The following CSMD1 variants were observed in gnomAD, a reference collection of about 807,000 sequenced individuals.
CSMD1 encodes the protein CUB and sushi domain-containing protein 1.
A neutral mutation model predicts 417.5 loss-of-function variants in CSMD1; 213 were observed. The ratio of observed to expected loss-of-function variants is 0.51; its 90% CI spans 0.46 to 0.57. The LOEUF (loss-of-function observed/expected upper bound fraction) is 0.57. Ranked by LOEUF, CSMD1 falls within the 20% of genes least tolerant of loss-of-function variation. The probability of loss-of-function intolerance (pLI) is 0.00; values close to 1 mark genes in which losing one functional copy is unlikely to be tolerated. For missense variants in CSMD1, 6,923 were observed against 4,529.7 expected (o/e 1.53, Z -15.17); for synonymous variants, 2,862 against 1,736.8 (o/e 1.65, Z -16.11).
intron 5 of CSMD1, among the ~76,000 whole-genome samples, chr8:3,878,047 T>A (rs944762253): frequency 6.6e-6 from 1 of 152,132 alleles, no homozygotes; most frequent in African/African-American, 2.4e-5. Context: ...TCCATCTAAT[T>A]ACATATTCAT....
chr8:3,719,011 G>A (rs759499002), intron 6 of CSMD1, among the ~76,000 whole-genome samples: 23 of 152,202 alleles, frequency 1.5e-4, no homozygotes, highest in Non-Finnish European at 1.5e-4. Flanking sequence ...GAGACAACGC[G>A]CTCAGAAACA....
chr8:3,048,397 A>G (rs547960684), intron 50 of CSMD1, among the ~76,000 whole-genome samples: 2 of 152,214 alleles, frequency 1.3e-5, no homozygotes, highest in Non-Finnish European at 1.5e-5. Flanking sequence ...AAATGTGTCA[A>G]TGGAACAGAA....
intron 26 of CSMD1, among the ~76,000 whole-genome samples, chr8:3,238,016 C>T (rs1799264539): frequency 6.6e-6 from 1 of 151,174 alleles, no homozygotes; most frequent in African/African-American, 2.4e-5. Context: ...GTGAAGAGAC[C>T]ACCAAACAGG....
chr8:4,678,617 A>G (rs1041471963), intron 1 of CSMD1, among the ~76,000 whole-genome samples: 1 of 152,180 alleles, frequency 6.6e-6, no homozygotes, highest in African/African-American at 2.4e-5. Context: ...ATGCATTTAC[A>G]TTACTACTAA....
chr8:3,879,067 T>G (rs1179945491), intron 5 of CSMD1, among the ~76,000 whole-genome samples: 1 of 152,184 alleles, frequency 6.6e-6, no homozygotes, highest in African/African-American at 2.4e-5. Context: ...AGGGATAGCA[T>G]CTGAGTTATT....
chr8:3,640,180 G>C (rs545283512), intron 7 of CSMD1, among the ~76,000 whole-genome samples: 6 of 152,272 alleles, frequency 3.9e-5, no homozygotes, highest in African/African-American at 1.4e-4. Context: ...CTTGAAGCTG[G>C]TGCAGGGATA....
chr8:3,772,486 TAC>T lies in CSMD1; in HGVS notation c.819-18446_819-18445del, dbSNP rs1397315551. Among the ~76,000 whole-genome samples the T allele has an allele frequency of 4.2e-4, 10 of 24,002 alleles. No homozygotes were observed. In the South Asian group the frequency reaches 6.0e-3, roughly 14 times the overall value. 15.7% of individuals were successfully genotyped at this position (24,002 alleles called of 152,430 possible). ...ATATATACACATATATATACATATA[TAC>T]ACATATATACATATATACACATATA... On this transcript the variant is annotated intron_variant, in intron 5 of 69. Coordinates refer to ENST00000635120, the MANE Select transcript of CSMD1 (RefSeq NM_033225.6).
At chr8:2,983,627 C>T (rs116572815) in intron 54 of CSMD1, among the ~76,000 whole-genome samples, 1,689 of 152,220 alleles carry the variant, frequency 0.011, 44 homozygotes, top group African/African-American at 0.038. Context: ...CAAAATTTGG[C>T]AAAAAATTGT....
chr8:3,966,997 TAG>T (rs1213794771), intron 5 of CSMD1, among the ~76,000 whole-genome samples: 1 of 152,164 alleles, frequency 6.6e-6, no homozygotes, highest in Admixed American at 6.5e-5. Context: ...TCTTCCACTG[TAG>T]AGTGTCAATT....
At chr8:4,808,255 G>C (rs553881522) in intron 1 of CSMD1, among the ~76,000 whole-genome samples, 1 of 152,262 alleles carries the variant, frequency 6.6e-6, no homozygotes, top group South Asian at 2.1e-4. Flanking sequence ...GATGATCAGA[G>C]CATTTACTAC....
chr8:3,004,528 A>G (rs2128958272), intron 52 of CSMD1, among the ~76,000 whole-genome samples: 1 of 152,328 alleles, frequency 6.6e-6, no homozygotes, highest in Admixed American at 6.5e-5. Flanking sequence ...AAGAATTAGG[A>G]AAGAATGCTA....
chr8:4,523,268 A>T (rs1287566926), intron 2 of CSMD1, among the ~76,000 whole-genome samples: 2 of 152,194 alleles, frequency 1.3e-5, no homozygotes, highest in Non-Finnish European at 2.9e-5. Context: ...CCCTCAAATC[A>T]TTTGCCATAC....
chr8:4,134,352 C>A (rs969061451), intron 3 of CSMD1, among the ~76,000 whole-genome samples: 1 of 152,060 alleles, frequency 6.6e-6, no homozygotes, highest in African/African-American at 2.4e-5. Flanking sequence ...TCATCCATGA[C>A]GATTTTTATT....
At chr8:4,645,381 G>T (rs547681030) in intron 1 of CSMD1, among the ~76,000 whole-genome samples, 20 of 125,502 alleles carry the variant, frequency 1.6e-4, no homozygotes, top group African/African-American at 5.8e-4. Flanking sequence ...TGGTAATAAA[G>T]TCATTCAGTG....
At chr8:3,881,604 A>C (rs528801850) in intron 5 of CSMD1, among the ~76,000 whole-genome samples, 115 of 125,714 alleles carry the variant, frequency 9.1e-4, no homozygotes, top group African/African-American at 3.7e-3. Context: ...GCAAGACTCC[A>C]TCTCAAAAAA....
chr8:4,036,848 C>T (rs1474115567), intron 3 of CSMD1, among the ~76,000 whole-genome samples: 1 of 152,178 alleles, frequency 6.6e-6, no homozygotes, highest in Admixed American at 6.5e-5. Flanking sequence ...CCTGTTCTTA[C>T]CATCTCTGCA....
intron 1 of CSMD1, among the ~76,000 whole-genome samples, chr8:4,868,990 A>G (rs1802579685): frequency 6.6e-6 from 1 of 152,010 alleles, no homozygotes; most frequent in South Asian, 2.1e-4. Context: ...AATAGATGAT[A>G]TAAAGATAAT....
intron 5 of CSMD1, among the ~76,000 whole-genome samples, chr8:3,906,371 G>C (rs542560998): frequency 1.3e-5 from 2 of 152,104 alleles, no homozygotes; most frequent in African/African-American, 2.4e-5. Flanking sequence ...CTATAGTATG[G>C]TCTAGAAATA....
intron 5 of CSMD1, among the ~76,000 whole-genome samples, chr8:3,880,833 A>C (rs1358731945): frequency 6.6e-6 from 1 of 152,196 alleles, no homozygotes; most frequent in East Asian, 1.9e-4. Context: ...AAAATAACGT[A>C]ATGACCTGCG....
Sources: gnomAD v4.1 joint callset for allele counts (sites outside exome capture counted in the v4.1 genomes callset) on GRCh38, gnomAD v4.1.1 for gene constraint, MANE v1.5 for transcripts, NCBI Gene and HGNC (gene_info 2026-07-23, HGNC 2026-07-21) for gene names.